Variants in PTPRK observed in about 807,000 individuals in gnomAD.
The protein encoded by PTPRK is receptor-type tyrosine-protein phosphatase kappa.
PTPRK carries 75 observed loss-of-function variants against 178.0 expected under a neutral mutation model. The ratio of observed to expected loss-of-function variants is 0.42; its 90% confidence interval spans 0.35 to 0.51. The LOEUF (loss-of-function observed/expected upper bound fraction) is 0.51. Among genes scored for constraint, PTPRK ranks in the 20% least tolerant of loss-of-function variants. PTPRK has a pLI of 0.02. For missense variants in PTPRK, 1,441 were observed against 1,797.8 expected, an observed-to-expected ratio of 0.80 and a Z score of 3.59; for synonymous variants, 637 against 620.6, an observed-to-expected ratio of 1.03 and a Z score of -0.39.
chr6:128,028,048 T>A (rs1300654317), intron 13 of PTPRK: 1 of 152,242 alleles, frequency 6.6e-6, no homozygotes, highest in East Asian at 1.9e-4. Context: ...AACTTAAATA[T>A]GATCCTATCA....
At chr6:128,118,416 G>A (rs1791913866) in intron 7 of PTPRK, among the ~76,000 whole-genome samples, 1 of 152,032 alleles carries the variant, frequency 6.6e-6, no homozygotes, top group African/African-American at 2.4e-5. Flanking sequence ...CAGAAAAGCA[G>A]GAAGAATGCT....
chr6:128,433,222 T>C (rs1355640505), intron 1 of PTPRK, among the ~76,000 whole-genome samples: 1 of 152,184 alleles, frequency 6.6e-6, no homozygotes, highest in Non-Finnish European at 1.5e-5. Context: ...TCTATCTAAC[T>C]GTATGTTTGT....
At chr6:128,154,770 G>A (rs1213584894) in intron 7 of PTPRK, among the ~76,000 whole-genome samples, 1 of 151,634 alleles carries the variant, frequency 6.6e-6, no homozygotes, top group Non-Finnish European at 1.5e-5. Flanking sequence ...TACTTACATA[G>A]TGATGAAAGA....
intron 1 of PTPRK, 30 bp downstream of exon 1, chr6:128,520,229 G>A: frequency 6.4e-7 from 1 of 1,550,982 alleles, no homozygotes; most frequent in South Asian, 1.2e-5. Flanking sequence ...GACTCCAGGC[G>A]TTCGTCGGGG....
chr6:128,484,307 T>C (rs1852515352), intron 1 of PTPRK, among the ~76,000 whole-genome samples: 1 of 152,174 alleles, frequency 6.6e-6, no homozygotes, highest in South Asian at 2.1e-4. Context: ...TTTTACTTCC[T>C]TCTCTAGAAG....
intron 7 of PTPRK, among the ~76,000 whole-genome samples, chr6:128,163,943 T>C (rs1583287605): frequency 6.6e-6 from 1 of 151,548 alleles, no homozygotes; most frequent in East Asian, 1.9e-4. Flanking sequence ...ACATATTTTA[T>C]TTTCTTGTAC....
chr6:128,017,222 C>T (rs774139237), intron 13 of PTPRK, among the ~76,000 whole-genome samples: 8 of 151,930 alleles, frequency 5.3e-5, no homozygotes, highest in Non-Finnish European at 7.4e-5. Context: ...GTAAACGGAT[C>T]TTTGTTTAGT....
chr6:128,028,562 G>GAT (rs1274737167), intron 13 of PTPRK, among the ~76,000 whole-genome samples: 3 of 152,132 alleles, frequency 2.0e-5, no homozygotes, highest in Admixed American at 2.0e-4. Context: ...TACCAGTGTG[G>GAT]ATATGGTCTC....
intron 1 of PTPRK, among the ~76,000 whole-genome samples, chr6:128,416,605 G>A (rs963328724): frequency 4.7e-5 from 7 of 147,848 alleles, no homozygotes; most frequent in Admixed American, 3.4e-4. Context: ...CCGAGATCAC[G>A]CCACTGCAGT....
At chr6:128,319,712 T>C (rs7755117) in intron 3 of PTPRK, among the ~76,000 whole-genome samples, 1 of 152,112 alleles carries the variant, frequency 6.6e-6, no homozygotes, top group African/African-American at 2.4e-5. Context: ...TTCACAGGTA[T>C]TGATTTGACT....
At chr6:128,440,765 T>C (rs1846178135) in intron 1 of PTPRK, among the ~76,000 whole-genome samples, 1 of 152,198 alleles carries the variant, frequency 6.6e-6, no homozygotes, top group African/African-American at 2.4e-5. Flanking sequence ...CTCATTATTT[T>C]AATTTTTTTA....
At chr6:128,296,470 T>C (rs139955658) in intron 3 of PTPRK, among the ~76,000 whole-genome samples, 2 of 151,960 alleles carry the variant, frequency 1.3e-5, no homozygotes, top group Non-Finnish European at 1.5e-5. Flanking sequence ...AGGGCAGCCA[T>C]AGAGAAAGGT....
chr6:128,180,171 C>G (rs1306829693), intron 7 of PTPRK, among the ~76,000 whole-genome samples: 3 of 151,894 alleles, frequency 2.0e-5, no homozygotes, highest in African/African-American at 7.3e-5. Flanking sequence ...TTTTAACATG[C>G]AATTGCCAAA....
intron 3 of PTPRK, among the ~76,000 whole-genome samples, chr6:128,254,684 A>T (rs1160464438): frequency 6.6e-6 from 1 of 152,140 alleles, no homozygotes; most frequent in Non-Finnish European, 1.5e-5. Context: ...CTTGCTAAAA[A>T]TTTTAAGGCA....
chr6:128,007,034 T>C (rs1179636592), intron 14 of PTPRK, among the ~76,000 whole-genome samples: 1 of 150,806 alleles, frequency 6.6e-6, no homozygotes, highest in Non-Finnish European at 1.5e-5. Flanking sequence ...GTAATTTCCT[T>C]TTCCATTATT....
intron 11 of PTPRK, among the ~76,000 whole-genome samples, chr6:128,069,241 T>G (rs1478435363): frequency 1.3e-5 from 2 of 152,148 alleles, no homozygotes; most frequent in Non-Finnish European, 2.9e-5. Context: ...CCATCTTGTT[T>G]CCTCTAAAAA....
At chr6:128,250,077 A>G (rs541828233) in intron 3 of PTPRK, among the ~76,000 whole-genome samples, 1 of 152,200 alleles carries the variant, frequency 6.6e-6, no homozygotes, top group South Asian at 2.1e-4. Context: ...CTTGATTCTC[A>G]TTCTCTCTTG....
chr6:128,439,663 T>C (rs1367504590), intron 1 of PTPRK, among the ~76,000 whole-genome samples: 1 of 152,214 alleles, frequency 6.6e-6, no homozygotes, highest in Non-Finnish European at 1.5e-5. Context: ...AGGATAATTA[T>C]ATGCTGCCCC....
intron 5 of PTPRK, among the ~76,000 whole-genome samples, chr6:128,238,542 T>C (rs1813780336): frequency 6.6e-6 from 1 of 152,154 alleles, no homozygotes. Flanking sequence ...GAAAAGACTA[T>C]ATAGCTCACA....
Sources: gnomAD v4.1 joint callset for allele counts (sites outside exome capture counted in the v4.1 genomes callset) on GRCh38, gnomAD v4.1.1 for gene constraint, MANE v1.5 for transcripts, NCBI Gene and HGNC (gene_info 2026-07-23, HGNC 2026-07-21) for gene names.